Variants in CELF2 observed in about 807,000 individuals in gnomAD.
The protein encoded by CELF2 is CUGBP Elav-like family member 2.
Under a neutral mutation model 62.6 loss-of-function variants are expected in CELF2, and 8 were observed. The observed-to-expected ratio is 0.13, with a 90% confidence interval of 0.07 to 0.23. The LOEUF (loss-of-function observed/expected upper bound fraction) is 0.23. Ranked by LOEUF, CELF2 falls within the 10% of genes least tolerant of loss-of-function variation. The probability of loss-of-function intolerance (pLI) is 1.00; values close to 1 mark genes in which losing one functional copy is unlikely to be tolerated. For synonymous variants in CELF2, 258 were observed against 250.0 expected (o/e 1.03, Z -0.30); for missense variants, 333 against 671.0 (o/e 0.50, Z 5.56).
At chr10:11,266,513 A>G in intron 5 of CELF2, 85 bp from the exon 6 acceptor site, 1 of 946,552 alleles carries the variant, frequency 1.1e-6, no homozygotes, top group Non-Finnish European at 1.7e-6. Context: ...CAGTTCTCGT[A>G]GACTGTGTTG....
intron 1 of CELF2, among the ~76,000 whole-genome samples, chr10:10,909,352 T>C (rs1382031019): frequency 6.6e-6 from 1 of 152,098 alleles, no homozygotes; most frequent in African/African-American, 2.4e-5. Flanking sequence ...TAGGAGGAAA[T>C]AATGTGGCCC....
At chr10:10,463,681 A>T in the CELF2 span, among the ~76,000 whole-genome samples, 1 of 152,174 alleles carries the variant, frequency 6.6e-6, no homozygotes, top group African/African-American at 2.4e-5. Context: ...AGGAAGACAC[A>T]CGGAGAGGTT....
the CELF2 span, among the ~76,000 whole-genome samples, chr10:10,686,812 A>G: frequency 6.6e-6 from 1 of 152,186 alleles, no homozygotes; most frequent in South Asian, 2.1e-4. Flanking sequence ...CAGCATGGAA[A>G]TAGACTGATA....
At chr10:10,742,059 T>G in the CELF2 span, among the ~76,000 whole-genome samples, 1 of 152,232 alleles carries the variant, frequency 6.6e-6, no homozygotes, top group Non-Finnish European at 1.5e-5. Context: ...TTTATTTTAT[T>G]GCTGAAATTA....
chr10:10,558,800 C>G, the CELF2 span, among the ~76,000 whole-genome samples: 1 of 152,128 alleles, frequency 6.6e-6, no homozygotes, highest in African/African-American at 2.4e-5. Flanking sequence ...TCCATTTCTT[C>G]TAGATTTTCT....
chr10:11,230,924 G>A (rs139726004), intron 3 of CELF2, among the ~76,000 whole-genome samples: 98 of 152,164 alleles, frequency 6.4e-4, no homozygotes, highest in African/African-American at 2.2e-3. Context: ...CATCATTCAC[G>A]GACTCGAAAT....
chr10:11,134,262 C>T (rs745711870), intron 1 of CELF2, among the ~76,000 whole-genome samples: 1 of 152,156 alleles, frequency 6.6e-6, no homozygotes, highest in African/African-American at 2.4e-5. Context: ...GCAGGAGGAA[C>T]GTTGGCCTCT....
intron 2 of CELF2, among the ~76,000 whole-genome samples, chr10:11,195,654 G>C (rs2057264014): frequency 6.6e-6 from 1 of 152,206 alleles, no homozygotes; most frequent in South Asian, 2.1e-4. Context: ...AAGCTCTTTT[G>C]GCAGACCTTG....
chr10:10,991,375 G>T (rs143340794), intron 2 of CELF2, among the ~76,000 whole-genome samples: 2 of 152,266 alleles, frequency 1.3e-5, no homozygotes, highest in African/African-American at 4.8e-5. Context: ...ACGCTAAGGG[G>T]ATGTGACAAG....
chr10:10,892,186 G>A (rs2062191999), intron 1 of CELF2, among the ~76,000 whole-genome samples: 1 of 152,164 alleles, frequency 6.6e-6, no homozygotes. Flanking sequence ...AAGAAAAGAA[G>A]CATAGGGGTA....
chr10:10,644,598 G>A, the CELF2 span, among the ~76,000 whole-genome samples: 1 of 152,144 alleles, frequency 6.6e-6, no homozygotes, highest in African/African-American at 2.4e-5. Context: ...CTGCTTCCAT[G>A]ATTTTGTCTG....
At chr10:10,968,081 A>G (rs2050333487) in intron 2 of CELF2, among the ~76,000 whole-genome samples, 1 of 152,092 alleles carries the variant, frequency 6.6e-6, no homozygotes, top group Admixed American at 6.5e-5. Flanking sequence ...GAGCAACAGG[A>G]ACTGTCTAGT....
intron 2 of CELF2, among the ~76,000 whole-genome samples, chr10:11,193,612 G>A (rs2056606713): frequency 6.6e-6 from 1 of 152,192 alleles, no homozygotes; most frequent in African/African-American, 2.4e-5. Flanking sequence ...ACTCCAGTGT[G>A]TGGGAAGGAG....
At chr10:11,096,548 A>G (rs896024219) in intron 1 of CELF2, 1 of 152,342 alleles carries the variant, frequency 6.6e-6, no homozygotes, top group South Asian at 2.1e-4. Flanking sequence ...AATCAAGGAA[A>G]CTGCTGCAAT....
At chr10:11,125,037 G>A (rs1396935417) in intron 1 of CELF2, among the ~76,000 whole-genome samples, 3 of 152,156 alleles carry the variant, frequency 2.0e-5, no homozygotes, top group African/African-American at 7.2e-5. Context: ...CATTACTTCA[G>A]TCTACGTGAC....
At chr10:11,216,019 G>A (rs1462123973) in intron 2 of CELF2, among the ~76,000 whole-genome samples, 1 of 152,176 alleles carries the variant, frequency 6.6e-6, no homozygotes, top group South Asian at 2.1e-4. Context: ...CGTGAAAATG[G>A]TCAGTCTCTT....
At chr10:10,752,802 TAAAAA>T in the CELF2 span, among the ~76,000 whole-genome samples, 9 of 116,554 alleles carry the variant, frequency 7.7e-5, no homozygotes, top group African/African-American at 2.3e-4. Flanking sequence ...ATACCGGTAG[TAAAAA>T]AAAAAAAAAA....
At chr10:10,807,258 A>C (rs1375284189) in intron 1 of CELF2, among the ~76,000 whole-genome samples, 1 of 152,218 alleles carries the variant, frequency 6.6e-6, no homozygotes, top group East Asian at 1.9e-4. Flanking sequence ...TAATGTTCTT[A>C]GGCTTGCCAG....
intron 5 of CELF2, among the ~76,000 whole-genome samples, chr10:11,265,210 G>A (rs562314650): frequency 6.6e-6 from 1 of 152,316 alleles, no homozygotes; most frequent in South Asian, 2.1e-4. Context: ...TTGTTTGAAT[G>A]CAGAATATTC....
Sources: gnomAD v4.1 joint callset for allele counts (sites outside exome capture counted in the v4.1 genomes callset) on GRCh38, gnomAD v4.1.1 for gene constraint, MANE v1.5 for transcripts, NCBI Gene and HGNC (gene_info 2026-07-23, HGNC 2026-07-21) for gene names.